PTPRB: variants seen among roughly 807,000 people sequenced by gnomAD.
PTPRB encodes the protein receptor-type tyrosine-protein phosphatase beta.
In PTPRB, 97 loss-of-function variants were observed where a neutral mutation model predicts 238.1. The observed-to-expected ratio is 0.41, with a 90% CI of 0.35 to 0.48. The LOEUF (loss-of-function observed/expected upper bound fraction) is 0.48. Among genes scored for constraint, PTPRB ranks in the 20% least tolerant of loss-of-function variants. The pLI is 0.30. For missense variants in PTPRB, 2,292 were observed against 2,681.9 expected, an observed-to-expected ratio of 0.85 and a Z score of 3.21; for synonymous variants, 970 against 995.4, an observed-to-expected ratio of 0.97 and a Z score of 0.48.
rs74343147 is a variant in PTPRB at position 70,622,377 on chromosome 12, C to T, written c.708+13G>A. 23,086 of 1,610,542 alleles carry T rather than the reference C, an allele frequency of 0.014. 249 individuals are homozygous for T. Among genetic ancestry groups the T allele is most frequent in the African/African-American group, 0.05 (3,736 of 74,894 alleles). ...CGTGCACAGACCACACTCCACACAC[C>T]CCCTCCTTTTACCTCTTCAGTGGTG... On this transcript the variant is annotated intron_variant, in intron 3 of 33. Transcript: ENST00000334414.
Position 70,571,812 on chromosome 12 carries a change from C to A in PTPRB, c.3106+12G>T, listed in dbSNP as rs75551762. On this transcript the variant is annotated intron_variant, in intron 12 of 33. Coordinates refer to ENST00000334414, the MANE Select transcript of PTPRB (RefSeq NM_001109754.4). ...CCAACCAACTGTCAGATTTTGCAAT[C>A]GTTCCACTTACTTGTTCTCCCATTC... 2.9e-3 allele frequency: 4,592 copies of A among 1,600,418 alleles called. 15 individuals are homozygous for A. Among genetic ancestry groups the A allele is most frequent in the Non-Finnish European group, 3.6e-3 (4,273 of 1,173,516 alleles).
intron 33 of PTPRB, chr12:70,522,661 C>T (rs1298383502): frequency 6.6e-6 from 1 of 151,880 alleles, no homozygotes; most frequent in Non-Finnish European, 1.5e-5. Context: ...GAATTTCCCA[C>T]TTGAAAAGTG....
rs1771598857 is a variant in PTPRB, at chr12:70,609,101, A to G, written c.947T>C (p.Leu316Pro). The G allele has an allele frequency of 2.5e-6, 4 of 1,613,892 alleles. No homozygotes were observed. Among genetic ancestry groups the G allele is most frequent in the African/African-American group, 1.3e-5 (1 of 74,938 alleles). The change falls in exon 4 of 34, where the codon CTG becomes CCG. Residue 316 changes from leucine to proline, a missense_variant. Leu to Pro is a moderately conservative substitution (Grantham distance 98, BLOSUM62 -3). This residue lies in a region of PTPRB where 1,205 missense variants were observed against 1,287.8 expected (regional missense o/e 0.94). Coordinates refer to ENST00000334414, the MANE Select transcript of PTPRB (RefSeq NM_001109754.4). ...GTIYNFRIISLDEERTVVLQT... is the reference protein window; with the variant it reads ...GTIYNFRIISPDEERTVVLQT... ...CAAGACCACTGTTCTCTCTTCATCCAGAGAAATAATCCTGAAGTTATAGAT... is the reference window on the plus strand; with the variant it reads ...CAAGACCACTGTTCTCTCTTCATCCGGAGAAATAATCCTGAAGTTATAGAT...
intron 10 of PTPRB, among the ~76,000 whole-genome samples, chr12:70,579,161 C>CA: frequency 1.3e-5 from 2 of 152,268 alleles, no homozygotes; most frequent in Middle Eastern, 6.8e-3. Flanking sequence ...GGTCGTCCTC[C>CA]ACTCCTCTCC....
rs746132581 is a variant in PTPRB at position 70,616,856 on chromosome 12, T to TATGTGCA, written c.708+5533_708+5534insTGCACAT. On this transcript the variant is annotated intron_variant, in intron 3 of 33. Coordinates refer to ENST00000334414, the MANE Select transcript of PTPRB (RefSeq NM_001109754.4). ...ATGGTTGTATTTTATGTGCATATGA[T>TATGTGCA]TATACAGTCATCCCTCAGTATGGGG... Among the ~76,000 whole-genome samples the TATGTGCA allele has an allele frequency of 2.6e-3, 392 of 152,300 alleles. 6 individuals are homozygous for TATGTGCA. The highest frequency in any genetic ancestry group is 1.5e-3 in the Non-Finnish European group (102 of 68,030).
intron 9 of PTPRB, among the ~76,000 whole-genome samples, chr12:70,585,971 C>A (rs569651231): frequency 1.3e-5 from 2 of 152,120 alleles, no homozygotes; most frequent in African/African-American, 2.4e-5. Flanking sequence ...ACCAAGGACA[C>A]GAACTCATCC....
intron 2 of PTPRB, among the ~76,000 whole-genome samples, chr12:70,628,060 C>T (rs1272170040): frequency 1.3e-5 from 2 of 152,128 alleles, no homozygotes; most frequent in African/African-American, 4.8e-5. Context: ...TCGAGCCTGC[C>T]AACAATATGG....
intron 31 of PTPRB, 81 bp downstream of exon 31, chr12:70,534,407 C>G: frequency 6.7e-7 from 1 of 1,485,366 alleles, no homozygotes; most frequent in South Asian, 1.3e-5. Context: ...ACCAAATTCC[C>G]CATGCTTATG....
chr12:70,533,351 G>GGGA (rs1555221616), intron 31 of PTPRB, among the ~76,000 whole-genome samples: 1 of 152,186 alleles, frequency 6.6e-6, no homozygotes, highest in African/African-American at 2.4e-5. Context: ...TGGGCTGACA[G>GGGA]GGAGGAGATG....
intron 7 of PTPRB, among the ~76,000 whole-genome samples, chr12:70,590,529 A>G (rs1882376804): frequency 6.6e-6 from 1 of 151,256 alleles, no homozygotes; most frequent in African/African-American, 2.4e-5. Flanking sequence ...TGTCGTGATC[A>G]TGAGGCATTC....
chr12:70,565,368 A>G (rs1879154911), intron 15 of PTPRB, among the ~76,000 whole-genome samples: 1 of 151,950 alleles, frequency 6.6e-6, no homozygotes. Context: ...GCCACCCACA[A>G]CTTCTCCTTT....
chr12:70,623,021 T>A (rs913696303), intron 2 of PTPRB, among the ~76,000 whole-genome samples: 1 of 152,126 alleles, frequency 6.6e-6, no homozygotes, highest in African/African-American at 2.4e-5. Flanking sequence ...TATATGTATA[T>A]GTGAATATGT....
intron 5 of PTPRB, among the ~76,000 whole-genome samples, chr12:70,595,682 A>G (rs1379529826): frequency 6.6e-6 from 1 of 152,204 alleles, no homozygotes; most frequent in East Asian, 1.9e-4. Context: ...AGAGTATACA[A>G]AGAATAAAAA....
rs78163480 is a variant in PTPRB, at chr12:70,603,998, T to C, written c.979+5071A>G. On this transcript the variant is annotated intron_variant, in intron 4 of 33. Transcript: ENST00000334414. ...AAACATAATATGTGGTAGTCTTTTA[T>C]ATGCTATAAAAGCACAAAACAGGCT... 3.8e-3 allele frequency among the ~76,000 whole-genome samples: 577 copies of C among 152,322 alleles called. 6 individuals are homozygous for C. The highest frequency in any genetic ancestry group is 0.013 in the African/African-American group (540 of 41,570).
intron 19 of PTPRB, among the ~76,000 whole-genome samples, chr12:70,555,594 G>A (rs145446910): frequency 6.6e-6 from 1 of 152,272 alleles, no homozygotes; most frequent in African/African-American, 2.4e-5. Context: ...CTCCATTATA[G>A]CTCTAACTAT....
chr12:70,628,148 A>G (rs180840867), intron 2 of PTPRB, among the ~76,000 whole-genome samples: 111 of 152,276 alleles, frequency 7.3e-4, no homozygotes, highest in African/African-American at 2.6e-3. Context: ...TTTGCCTACA[A>G]ATATTTGCCT....
rs113079289 is a variant in PTPRB, at chr12:70,538,225, G to A, written c.5876C>T (p.Ala1959Val). 1 of 1,612,942 alleles carries A rather than the reference G, an allele frequency of 6.2e-7. No homozygotes were observed. The highest frequency in any genetic ancestry group is 1.1e-5 in the South Asian group (1 of 90,920). ...TACATTGGAGAGCTTCACTCGCGTG[G>A]CATCATCTGGAAGGAGAGATTTGCT... ...NRYNNILPYDATRVKLSNVDD... is the reference protein window; with the variant it reads ...NRYNNILPYDVTRVKLSNVDD... The change falls in exon 28 of 34, where the codon GCC becomes GTC. Residue 1959 changes from alanine (A) to valine (V), a missense_variant. Physicochemically the swap from Ala to Val is moderately conservative, Grantham distance 64. Coordinates refer to ENST00000334414, the MANE Select transcript of PTPRB (RefSeq NM_001109754.4).
At chr12:70,594,980 C>T (rs1251160303) in intron 5 of PTPRB, among the ~76,000 whole-genome samples, 2 of 151,766 alleles carry the variant, frequency 1.3e-5, no homozygotes, top group Non-Finnish European at 2.9e-5. Context: ...GTGGCTTTTG[C>T]CAGTGAAGTA....
chr12:70,575,048 A>T (rs573404069), intron 11 of PTPRB, among the ~76,000 whole-genome samples: 1 of 152,272 alleles, frequency 6.6e-6, no homozygotes, highest in African/African-American at 2.4e-5. Flanking sequence ...TGTAAATAGA[A>T]ATCTGCTTTT....
Sources: allele counts gnomAD v4.1 joint callset (sites outside exome capture counted in the v4.1 genomes callset), GRCh38; gene constraint gnomAD v4.1.1; regional missense constraint gnomAD v4.1.1; transcripts MANE v1.5; gene names NCBI Gene and HGNC (gene_info 2026-07-23, HGNC 2026-07-21).